RBFOX1: variants seen among roughly 807,000 people sequenced by gnomAD.
RBFOX1 encodes RNA binding protein fox-1 homolog 1.
RBFOX1 carries 8 observed loss-of-function variants against 57.7 expected under a neutral mutation model. The observed-to-expected ratio is 0.14, with a 90% confidence interval of 0.08 to 0.25. RBFOX1 has a LOEUF of 0.25. Among genes scored for constraint, RBFOX1 ranks in the 10% least tolerant of loss-of-function variants. The pLI, the probability that RBFOX1 is intolerant of heterozygous loss-of-function variation, is 1.00. For missense variants in RBFOX1, 611 were observed against 548.5 expected (o/e 1.11, Z -1.14); for synonymous variants, 326 against 222.4 (o/e 1.47, Z -4.15).
chr16:6,737,488 A>AG (rs1287714146), intron 3 of RBFOX1, among the ~76,000 whole-genome samples: 4 of 152,232 alleles, frequency 2.6e-5, no homozygotes, highest in Non-Finnish European at 5.9e-5. Flanking sequence ...TCCAGTTCAG[A>AG]TGGCCAAAAC....
At chr16:6,986,673 C>G (rs1031669942) in intron 3 of RBFOX1, among the ~76,000 whole-genome samples, 1 of 152,106 alleles carries the variant, frequency 6.6e-6, no homozygotes, top group Non-Finnish European at 1.5e-5. Context: ...CCCTTCCTCT[C>G]CCTCCCCTTC....
At chr16:6,096,286 C>T (rs117755944) in intron 1 of RBFOX1, among the ~76,000 whole-genome samples, 2,710 of 152,170 alleles carry the variant, frequency 0.018, 39 homozygotes, top group Non-Finnish European at 0.028. Context: ...GGAAAGGAAA[C>T]GAAGATGAAA....
chr16:5,502,025 CTAT>C (rs58333271), intron 2 of RBFOX1, among the ~76,000 whole-genome samples: 23,624 of 150,156 alleles, frequency 0.16, 2,299 homozygotes, highest in African/African-American at 0.27. Flanking sequence ...GCCCAGCTCA[CTAT>C]TATTATTATT....
chr16:6,391,673 T>C (rs939421570), intron 2 of RBFOX1, among the ~76,000 whole-genome samples: 1 of 152,078 alleles, frequency 6.6e-6, no homozygotes, highest in Admixed American at 6.6e-5. Context: ...GTGATAGTCA[T>C]GGGAAGAAAG....
At chr16:6,698,169 C>T (rs1472674077) in intron 3 of RBFOX1, among the ~76,000 whole-genome samples, 1 of 152,184 alleles carries the variant, frequency 6.6e-6, no homozygotes, top group African/African-American at 2.4e-5. Context: ...TTTCTTCCAC[C>T]TCCCTTAAAA....
chr16:6,751,292 G>A (rs940649067), intron 3 of RBFOX1, among the ~76,000 whole-genome samples: 1 of 152,128 alleles, frequency 6.6e-6, no homozygotes, highest in Non-Finnish European at 1.5e-5. Flanking sequence ...TAAGGAGGAA[G>A]TTGGCAGTGG....
At chr16:5,466,010 G>T (rs948428619) in intron 1 of RBFOX1, among the ~76,000 whole-genome samples, 2 of 152,190 alleles carry the variant, frequency 1.3e-5, no homozygotes, top group Non-Finnish European at 2.9e-5. Context: ...AATTTCCTTG[G>T]CTGGGCAGGA....
rs71142685 is a variant in RBFOX1 at position 6,142,189 on chromosome 16, C to CAAAAAAAAA, written c.-127+122216_-127+122224dup. Reference sequence around the variant, plus strand: ...TCAGAGATCCTTGTTGCTGCTGCTGCAAAAAAAAAAAAAAAAAAAAAAAAA... The same window carrying CAAAAAAAAA: ...TCAGAGATCCTTGTTGCTGCTGCTGCAAAAAAAAAAAAAAAAAAAAAAAAAAAAAAAAAA... On this transcript the variant is annotated intron_variant, in intron 1 of 15. Coordinates refer to ENST00000550418, the MANE Select transcript of RBFOX1 (RefSeq NM_018723.4). 8.8e-4 allele frequency among the ~76,000 whole-genome samples: 43 copies of CAAAAAAAAA among 49,084 alleles called. 2 individuals carry two copies. Among genetic ancestry groups the CAAAAAAAAA allele is most frequent in the African/African-American group, 3.6e-3 (40 of 10,980 alleles). 32.2% of individuals were successfully genotyped at this position (49,084 alleles called of 152,430 possible).
At chr16:5,430,113 A>T (rs2067683364) in intron 1 of RBFOX1, among the ~76,000 whole-genome samples, 1 of 152,146 alleles carries the variant, frequency 6.6e-6, no homozygotes, top group Non-Finnish European at 1.5e-5. Context: ...TTCTCCACTG[A>T]CCATCAGCTG....
intron 4 of RBFOX1, among the ~76,000 whole-genome samples, chr16:7,435,683 C>T (rs1291950649): frequency 6.6e-6 from 1 of 152,160 alleles, no homozygotes; most frequent in Non-Finnish European, 1.5e-5. Flanking sequence ...ATTGCCTGCC[C>T]CCGAAGCTAT....
chr16:6,690,533 C>G (rs946223569), intron 3 of RBFOX1, among the ~76,000 whole-genome samples: 1 of 142,906 alleles, frequency 7.0e-6, no homozygotes, highest in African/African-American at 2.6e-5. Flanking sequence ...AAAAGGCAAA[C>G]AAAACCTCAA....
chr16:6,748,908 T>C (rs1245789297), intron 3 of RBFOX1: 1 of 152,162 alleles, frequency 6.6e-6, no homozygotes, highest in East Asian at 1.9e-4. Flanking sequence ...CCCATAAAAT[T>C]AGTGTTACAG....
intron 3 of RBFOX1, among the ~76,000 whole-genome samples, chr16:7,025,509 A>G (rs1402900123): frequency 6.6e-6 from 1 of 152,190 alleles, no homozygotes; most frequent in African/African-American, 2.4e-5. Flanking sequence ...GCCCCTATGG[A>G]AGATGGAGTT....
At chr16:7,581,064 G>A (rs1409796175) in intron 6 of RBFOX1, among the ~76,000 whole-genome samples, 2 of 152,096 alleles carry the variant, frequency 1.3e-5, no homozygotes, top group African/African-American at 4.8e-5. Flanking sequence ...GTGTGTTGGG[G>A]ATTAGCTTGC....
At chr16:7,479,953 G>T (rs2191386) in intron 4 of RBFOX1, among the ~76,000 whole-genome samples, 38,210 of 151,974 alleles carry the variant, frequency 0.25, 5,291 homozygotes, top group East Asian at 0.41. Context: ...CCTAGGAAAA[G>T]GCAAATGTTG....
chr16:5,558,858 C>A (rs558572247), intron 2 of RBFOX1, among the ~76,000 whole-genome samples: 2 of 152,044 alleles, frequency 1.3e-5, no homozygotes, highest in Admixed American at 1.3e-4. Context: ...CTCAAAGGTC[C>A]ACGTACAAGA....
chr16:5,775,314 C>G (rs1017866714), intron 3 of RBFOX1, among the ~76,000 whole-genome samples: 1 of 152,146 alleles, frequency 6.6e-6, no homozygotes, highest in Non-Finnish European at 1.5e-5. Context: ...TTCCCTCTTC[C>G]CTCTTCCCTT....
At chr16:5,529,949 G>A (rs1436710313) in intron 2 of RBFOX1, among the ~76,000 whole-genome samples, 2 of 152,026 alleles carry the variant, frequency 1.3e-5, no homozygotes, top group African/African-American at 4.8e-5. Context: ...ACAACTCGAG[G>A]AACACCAAGA....
rs982814245 is a variant in RBFOX1 at position 5,814,797 on chromosome 16, A to T, written c.319-52506A>T. Among the ~76,000 whole-genome samples the T allele has an allele frequency of 3.3e-5, 5 of 152,128 alleles. No homozygotes were observed. In the East Asian group the frequency reaches 7.8e-4, roughly 24 times the overall value. ...CAAAAAAATTAGCCAGGCGCGGTGGAGGGCGCCTGTAGTCCCAGCTACTCG... is the reference window on the plus strand; with the variant it reads ...CAAAAAAATTAGCCAGGCGCGGTGGTGGGCGCCTGTAGTCCCAGCTACTCG... On this transcript the variant is annotated intron_variant, in intron 3 of 19. Coordinates refer to the RBFOX1 transcript ENST00000641259.
Sources: gnomAD v4.1 joint callset for allele counts (sites outside exome capture counted in the v4.1 genomes callset) on GRCh38, gnomAD v4.1.1 for gene constraint, MANE v1.5 for transcripts, NCBI Gene and HGNC (gene_info 2026-07-23, HGNC 2026-07-21) for gene names.